LCORL: variants seen among roughly 807,000 people sequenced by gnomAD.
LCORL encodes the protein ligand-dependent nuclear receptor corepressor-like protein.
A neutral mutation model predicts 141.8 loss-of-function variants in LCORL; 41 were observed. That is an observed-to-expected ratio of 0.29 (90% confidence interval 0.23 to 0.38). LCORL has a LOEUF of 0.38. LCORL is among the 10% of genes least tolerant of loss of function. The pLI, the probability that LCORL is intolerant of heterozygous loss-of-function variation, is 1.00. For missense variants in LCORL, 1,759 were observed against 2,035.0 expected (o/e 0.86, Z 2.61); for synonymous variants, 618 against 694.1 (o/e 0.89, Z 1.72).
chr4:17,946,677 TAG>T (rs1738932591), intron 4 of LCORL, among the ~76,000 whole-genome samples: 1 of 151,974 alleles, frequency 6.6e-6, no homozygotes, highest in Non-Finnish European at 1.5e-5. Context: ...AAACTCATGG[TAG>T]AGTCAAAATT....
intron 1 of LCORL, among the ~76,000 whole-genome samples, chr4:18,018,830 T>C (rs1297039779): frequency 6.6e-6 from 1 of 152,188 alleles, no homozygotes; most frequent in African/African-American, 2.4e-5. Context: ...TTTATAAAAA[T>C]GATTGTAAGC....
At chr4:17,851,359 A>G (rs1723685533) in intron 7 of LCORL, among the ~76,000 whole-genome samples, 1 of 152,094 alleles carries the variant, frequency 6.6e-6, no homozygotes, top group Admixed American at 6.5e-5. Flanking sequence ...TGGGGCAACT[A>G]TTGTTACCAT....
intron 1 of LCORL, among the ~76,000 whole-genome samples, chr4:18,017,533 G>A (rs938474770): frequency 6.6e-6 from 1 of 152,158 alleles, no homozygotes; most frequent in Non-Finnish European, 1.5e-5. Flanking sequence ...CATCTCTTAA[G>A]TGGTATTCCT....
intron 6 of LCORL, chr4:17,881,634 T>C (rs1197403494): frequency 2.0e-6 from 2 of 976,010 alleles, no homozygotes; most frequent in Non-Finnish European, 1.2e-6. Context: ...GGTCATCTTT[T>C]AAATGATACA....
At chr4:17,911,386 A>G (rs1732494785) in intron 4 of LCORL, among the ~76,000 whole-genome samples, 1 of 152,210 alleles carries the variant, frequency 6.6e-6, no homozygotes, top group Non-Finnish European at 1.5e-5. Flanking sequence ...AAAATAAACT[A>G]CTAACTTGTT....
At chr4:17,952,271 G>T (rs1312166339) in intron 4 of LCORL, among the ~76,000 whole-genome samples, 1 of 152,036 alleles carries the variant, frequency 6.6e-6, no homozygotes, top group Non-Finnish European at 1.5e-5. Flanking sequence ...CTCTTTTGAT[G>T]ATCAGGTCTG....
intron 5 of LCORL, among the ~76,000 whole-genome samples, chr4:17,899,260 T>A (rs1730489761): frequency 1.3e-5 from 2 of 152,218 alleles, no homozygotes; most frequent in Admixed American, 1.3e-4. Context: ...TTCTGTGTCA[T>A]GAAGAAGTTT....
chr4:17,909,275 T>C lies in LCORL; in HGVS notation c.501A>G (p.Gln167=), dbSNP rs748999853. ...TTTTTGAAATGTACTCAATCGCAAA[T>C]TGACGTATCATCTTTTTCATTAATT... Residue 167 remains glutamine, a synonymous_variant, in exon 5 of 8, where the codon CAA becomes CAG. Transcript: ENST00000635767. The C allele has an allele frequency of 8.7e-6, 14 of 1,611,882 alleles. No individual in the cohort carries two copies. The Admixed American group carries it at 1.0e-4, about 12-fold the overall frequency.
intron 4 of LCORL, among the ~76,000 whole-genome samples, chr4:17,927,158 T>C (rs914352612): frequency 6.6e-6 from 1 of 152,240 alleles, no homozygotes; most frequent in East Asian, 1.9e-4. Context: ...TGCAGTTTCA[T>C]GTAATGGAGA....
At chr4:17,967,503 T>C (rs1450158871) in intron 2 of LCORL, among the ~76,000 whole-genome samples, 2 of 152,192 alleles carry the variant, frequency 1.3e-5, no homozygotes, top group Non-Finnish European at 1.5e-5. Context: ...GGAAACTCTC[T>C]GTACTTTCTA....
chr4:17,855,331 A>T (rs1012736127), intron 7 of LCORL, among the ~76,000 whole-genome samples: 1 of 152,190 alleles, frequency 6.6e-6, no homozygotes, highest in Non-Finnish European at 1.5e-5. Flanking sequence ...TAAAAATAGG[A>T]AATTTTAGTA....
At chr4:17,845,748 G>A (rs1221053500) in exon 8 of LCORL, 4 of 1,610,194 alleles carry the variant, frequency 2.5e-6, no homozygotes, top group Non-Finnish European at 3.4e-6. Context: ...TGAGATTTTG[G>A]TTATGAACTG....
intron 7 of LCORL, among the ~76,000 whole-genome samples, chr4:17,850,380 C>T (rs1723496611): frequency 6.7e-6 from 1 of 150,366 alleles, no homozygotes; most frequent in Non-Finnish European, 1.5e-5. Flanking sequence ...ACAACCTACT[C>T]ATCTGACAAA....
chr4:17,993,891 T>C (rs1014232604), intron 1 of LCORL, among the ~76,000 whole-genome samples: 1 of 152,146 alleles, frequency 6.6e-6, no homozygotes, highest in Non-Finnish European at 1.5e-5. Flanking sequence ...ACAATACAAT[T>C]AAATGGAAAG....
chr4:17,898,764 C>A (rs1206804961), intron 5 of LCORL, among the ~76,000 whole-genome samples: 1 of 148,758 alleles, frequency 6.7e-6, no homozygotes, highest in East Asian at 2.1e-4. Flanking sequence ...CCTGCTATTA[C>A]AATTAATGTC....
chr4:17,988,004 A>G (rs1282628558), intron 1 of LCORL, among the ~76,000 whole-genome samples: 2 of 152,020 alleles, frequency 1.3e-5, no homozygotes, highest in East Asian at 3.9e-4. Flanking sequence ...TAGCTCCCAT[A>G]ATTTCCATGT....
intron 5 of LCORL, among the ~76,000 whole-genome samples, chr4:17,899,615 C>G (rs780086388): frequency 2.6e-5 from 4 of 152,144 alleles, no homozygotes; most frequent in Non-Finnish European, 5.9e-5. Context: ...TAAATACAAA[C>G]TATCAGCTTT....
chr4:17,971,821 G>T (rs1054619136), intron 2 of LCORL, among the ~76,000 whole-genome samples: 15 of 150,784 alleles, frequency 9.9e-5, no homozygotes, highest in African/African-American at 3.6e-4. Flanking sequence ...AACACTTTGG[G>T]AACATCCTAA....
At chr4:17,915,667 A>T (rs992600341) in intron 4 of LCORL, among the ~76,000 whole-genome samples, 2 of 152,244 alleles carry the variant, frequency 1.3e-5, no homozygotes, top group African/African-American at 4.8e-5. Context: ...TACTGGAATT[A>T]TGTAATGGGA....
Sources: allele counts gnomAD v4.1 joint callset (sites outside exome capture counted in the v4.1 genomes callset), GRCh38; gene constraint gnomAD v4.1.1; transcripts MANE v1.5; gene names NCBI Gene and HGNC (gene_info 2026-07-23, HGNC 2026-07-21).